The following SPATA22 variants were observed in gnomAD, a reference collection of about 807,000 sequenced individuals.
The protein encoded by SPATA22 is spermatogenesis-associated protein 22.
A neutral mutation model predicts 47.8 loss-of-function variants in SPATA22; 29 were observed. The ratio of observed to expected loss-of-function variants is 0.61; its 90% confidence interval spans 0.45 to 0.83. The LOEUF is 0.83. Among genes scored for constraint, SPATA22 ranks in the 40% least tolerant of loss-of-function variants. The pLI is 0.00. For missense variants in SPATA22, 410 were observed against 421.7 expected, an observed-to-expected ratio of 0.97 and a Z score of 0.24; for synonymous variants, 133 against 140.9, an observed-to-expected ratio of 0.94 and a Z score of 0.40.
chr17:3,466,724 G>C (rs377721878), intron 3 of SPATA22, among the ~76,000 whole-genome samples: 2 of 152,174 alleles, frequency 1.3e-5, no homozygotes, highest in African/African-American at 4.8e-5. Context: ...TTTGGAGGCT[G>C]GGAAGTCAAG....
chr17:3,506,831 C>G (rs181373285), intron 1 of SPATA22, among the ~76,000 whole-genome samples: 1 of 152,102 alleles, frequency 6.6e-6, no homozygotes, highest in Non-Finnish European at 1.5e-5. Context: ...GTCCCAGCTA[C>G]TTGTGAGGCT....
chr17:3,506,533 T>G (rs1031700594), intron 1 of SPATA22, among the ~76,000 whole-genome samples: 10 of 152,214 alleles, frequency 6.6e-5, no homozygotes, highest in African/African-American at 2.4e-4. Flanking sequence ...CAGAAAAACG[T>G]CATTTTTAGA....
At chr17:3,446,342 A>C (rs2072725621) in intron 7 of SPATA22, 130 bp downstream of exon 7, 1 of 717,426 alleles carries the variant, frequency 1.4e-6, no homozygotes, top group Non-Finnish European at 2.1e-6. Context: ...TATTAAAACC[A>C]GTTCTTTGAA....
chr17:3,483,085 G>A (rs1206064453), intron 1 of SPATA22, among the ~76,000 whole-genome samples: 1 of 151,856 alleles, frequency 6.6e-6, no homozygotes, highest in South Asian at 2.1e-4. Flanking sequence ...GGAGGAGGGG[G>A]AATCACCCAA....
rs2073769603 is a variant in SPATA22 at position 3,488,664 on chromosome 17, T to C, written c.-73-19266A>G. Among the ~76,000 whole-genome samples, 1 of 151,790 alleles carries C rather than the reference T, an allele frequency of 6.6e-6. No homozygotes were observed. The highest frequency in any genetic ancestry group is 1.5e-5 in the Non-Finnish European group (1 of 67,956). ...AGAGTGAGACTCTGTCTCGAAAAAA[T>C]AAATAAATAAATAAAACCATTGCAC... On this transcript the variant is annotated intron_variant, in intron 1 of 8. Coordinates refer to the SPATA22 transcript ENST00000541913. This position sits in a 1 kb window ranked among gnomAD's most constrained non-coding sequence, Gnocchi z 6.1.
chr17:3,441,510 C>T (rs560756829), intron 8 of SPATA22: 5 of 152,046 alleles, frequency 3.3e-5, no homozygotes, highest in Non-Finnish European at 7.4e-5. Context: ...CAATACTAAG[C>T]GTTCGTAAGA....
rs562191208 is a variant in SPATA22, at chr17:3,441,724, A to G, written c.901-1386T>C. The G allele has an allele frequency of 3.3e-5, 5 of 152,204 alleles. No individual in the cohort carries two copies. In the East Asian group the frequency reaches 9.6e-4, roughly 29 times the overall value. 9.4% of individuals were successfully genotyped at this position (152,204 alleles called of 1,614,324 possible). ...TAAGAATGTTCATAGAACATTATGCATAACAGCAAAAAATCCAGAAACCCA... is the reference window on the plus strand; with the variant it reads ...TAAGAATGTTCATAGAACATTATGCGTAACAGCAAAAAATCCAGAAACCCA... On this transcript the variant is annotated intron_variant, in intron 8 of 8. Transcript: ENST00000572969.
intron 3 of SPATA22, among the ~76,000 whole-genome samples, chr17:3,463,641 T>C (rs1322591620): frequency 6.7e-6 from 1 of 148,270 alleles, no homozygotes; most frequent in Non-Finnish European, 1.5e-5. Context: ...AAACACACCA[T>C]ACATTTAGGC....
At chr17:3,498,950 G>A (rs765810524) in intron 1 of SPATA22, 1 of 1,613,062 alleles carries the variant, frequency 6.2e-7, no homozygotes, top group South Asian at 1.1e-5. Context: ...TTGATGGGAA[G>A]ACGATCCCAC....
chr17:3,487,322 T>C (rs2073742056), intron 1 of SPATA22, among the ~76,000 whole-genome samples: 1 of 152,196 alleles, frequency 6.6e-6, no homozygotes, highest in Admixed American at 6.6e-5. Flanking sequence ...GTGCATGATA[T>C]AAAATATTCC....
intron 1 of SPATA22, among the ~76,000 whole-genome samples, chr17:3,478,035 A>C (rs993369943): frequency 4.6e-5 from 7 of 151,912 alleles, no homozygotes; most frequent in Admixed American, 1.3e-4. Context: ...AATACAAAAA[A>C]TTAGCCGGGC....
intron 1 of SPATA22, among the ~76,000 whole-genome samples, chr17:3,507,644 C>T (rs554786444): frequency 6.6e-6 from 1 of 152,308 alleles, no homozygotes; most frequent in East Asian, 1.9e-4. Context: ...TTGTGAACTT[C>T]GCATGTCATT....
At chr17:3,493,848 C>T (rs973104927) in intron 1 of SPATA22, among the ~76,000 whole-genome samples, 1 of 152,108 alleles carries the variant, frequency 6.6e-6, no homozygotes, top group African/African-American at 2.4e-5. Context: ...TGTTTTCTAC[C>T]TCTGGCCGTC....
rs750655848 is a variant in SPATA22 at position 3,490,168 on chromosome 17, C to T, written c.-73-20770G>A. On this transcript the variant is annotated intron_variant, in intron 1 of 8. Coordinates refer to the SPATA22 transcript ENST00000541913. The surrounding 1 kb of genome is among the most constrained non-coding windows in gnomAD (Gnocchi z 4.6). ...ACACCAAACTGATAACAATAGTTAC[C>T]GGGGACGGGAGGCAAAACCCAGGCT... is the stretch of plus-strand genomic sequence containing the variant. Among the ~76,000 whole-genome samples, 18 of 152,044 alleles carry T rather than the reference C, an allele frequency of 1.2e-4. No individual in the cohort carries two copies. Among genetic ancestry groups the T allele is most frequent in the Admixed American group, 8.5e-4 (13 of 15,260 alleles).
chr17:3,447,839 A>T (rs1293678504), intron 6 of SPATA22, among the ~76,000 whole-genome samples: 1 of 152,146 alleles, frequency 6.6e-6, no homozygotes, highest in Non-Finnish European at 1.5e-5. Flanking sequence ...CCACCCTATG[A>T]TGTCGTACCA....
intron 1 of SPATA22, chr17:3,499,855 A>C (rs1360088478): frequency 1.3e-5 from 2 of 152,220 alleles, no homozygotes; most frequent in Non-Finnish European, 2.9e-5. Context: ...TCTAGAAATT[A>C]AGCTTAGTAA....
intron 1 of SPATA22, among the ~76,000 whole-genome samples, chr17:3,491,877 C>CTT (rs540965896): frequency 0.62 from 76,100 of 122,870 alleles, 24,949 homozygotes; most frequent in East Asian, 0.92. Flanking sequence ...CTTTTGTTTT[C>CTT]TTTTTTTTTT....
chr17:3,478,385 C>A (rs781600119), intron 1 of SPATA22, among the ~76,000 whole-genome samples: 10 of 152,176 alleles, frequency 6.6e-5, no homozygotes, highest in Non-Finnish European at 1.3e-4. Context: ...AATTATACTG[C>A]AGTCATCCTG....
At chr17:3,487,534 C>G (rs1429142867) in intron 1 of SPATA22, among the ~76,000 whole-genome samples, 5 of 152,138 alleles carry the variant, frequency 3.3e-5, no homozygotes, top group Admixed American at 3.3e-4. Context: ...GTTTGGAAAT[C>G]TTAAGCTTTT....
Sources: allele counts gnomAD v4.1 joint callset (sites outside exome capture counted in the v4.1 genomes callset), GRCh38; gene constraint gnomAD v4.1.1; non-coding constraint Gnocchi (gnomAD v3.1); transcripts MANE v1.5; gene names NCBI Gene and HGNC (gene_info 2026-07-23, HGNC 2026-07-21).